Variants in CHSY3 observed in about 807,000 individuals in gnomAD.
The protein encoded by CHSY3 is chondroitin sulfate synthase 3, also known as N-acetylgalactosaminyl-proteoglycan 3-beta-glucuronosyltransferase 3.
CHSY3 carries 35 observed loss-of-function variants against 67.2 expected under a neutral mutation model. The ratio of observed to expected loss-of-function variants is 0.52; its 90% CI spans 0.40 to 0.69. CHSY3 has a LOEUF of 0.69. Ranked by LOEUF, CHSY3 falls within the 30% of genes least tolerant of loss-of-function variation. CHSY3 has a pLI of 0.00. For synonymous variants in CHSY3, 474 were observed against 434.7 expected, an observed-to-expected ratio of 1.09 and a Z score of -1.12; for missense variants, 1,069 against 1,138.5, an observed-to-expected ratio of 0.94 and a Z score of 0.88.
intron 2 of CHSY3, chr5:130,140,803 C>A: frequency 4.3e-6 from 1 of 230,460 alleles, no homozygotes; most frequent in South Asian, 9.0e-5. Flanking sequence ...ATAGAGCTGT[C>A]TGATGCCTCC....
intron 2 of CHSY3, among the ~76,000 whole-genome samples, chr5:129,927,208 C>T (rs541871817): frequency 6.6e-6 from 1 of 151,888 alleles, no homozygotes; most frequent in Admixed American, 6.6e-5. Context: ...TTCTGGTCTT[C>T]ATATTGTTCA....
intron 2 of CHSY3, among the ~76,000 whole-genome samples, chr5:130,060,139 C>T (rs1216428132): frequency 6.6e-6 from 1 of 152,110 alleles, no homozygotes; most frequent in African/African-American, 2.4e-5. Flanking sequence ...AAGGCAACAT[C>T]CCTGATAACA....
intron 2 of CHSY3, among the ~76,000 whole-genome samples, chr5:130,127,033 C>CT (rs1768315783): frequency 6.6e-6 from 1 of 152,268 alleles, no homozygotes; most frequent in Admixed American, 6.5e-5. Context: ...TTGGCATCTC[C>CT]TGGGAAAGGC....
chr5:130,148,342 T>C (rs1769134067), intron 2 of CHSY3, among the ~76,000 whole-genome samples: 1 of 152,212 alleles, frequency 6.6e-6, no homozygotes, highest in South Asian at 2.1e-4. Flanking sequence ...GCATTGTTAA[T>C]AGTGCCGCAG....
chr5:129,924,793 A>G (rs2453782), intron 2 of CHSY3, among the ~76,000 whole-genome samples: 141,186 of 152,192 alleles, frequency 0.93, 65,550 homozygotes, highest in East Asian at 1. Context: ...ATGCACTTCT[A>G]TGAGAGCAAG....
At chr5:130,002,264 G>A (rs561541535) in intron 2 of CHSY3, 1 of 155,660 alleles carries the variant, frequency 6.4e-6, no homozygotes, top group African/African-American at 2.4e-5. Flanking sequence ...AGAAGAGAAG[G>A]CATGGCTGCC....
At chr5:130,116,225 G>C (rs573551524) in intron 2 of CHSY3, among the ~76,000 whole-genome samples, 8 of 152,222 alleles carry the variant, frequency 5.3e-5, no homozygotes, top group Non-Finnish European at 7.4e-5. Flanking sequence ...TACTCCCACA[G>C]CCTTAGGCAA....
intron 2 of CHSY3, among the ~76,000 whole-genome samples, chr5:130,005,202 G>A (rs1763841047): frequency 6.6e-6 from 1 of 151,902 alleles, no homozygotes; most frequent in African/African-American, 2.4e-5. Context: ...AGATCATGAG[G>A]TCAGGAGATC....
At chr5:130,150,450 T>C (rs561012303) in intron 2 of CHSY3, among the ~76,000 whole-genome samples, 2 of 152,256 alleles carry the variant, frequency 1.3e-5, no homozygotes, top group East Asian at 3.9e-4. Flanking sequence ...TTTATTACTT[T>C]AAAATGAAAA....
rs925417345 is a variant in CHSY3 at position 129,963,940 on chromosome 5, A to G, written c.1086+55580A>G. ...TGTATGTATATCTGTATGTGTGTGC[A>G]CATGTCCTGTAATTCACTTGGGATA... On this transcript the variant is annotated intron_variant, in intron 2 of 2. Coordinates refer to ENST00000305031, the MANE Select transcript of CHSY3 (RefSeq NM_175856.5). 2.6e-5 allele frequency among the ~76,000 whole-genome samples: 4 copies of G among 151,846 alleles called. No individual in the cohort carries two copies. The East Asian group carries it at 7.8e-4, about 29-fold the overall frequency.
intron 2 of CHSY3, among the ~76,000 whole-genome samples, chr5:129,918,716 C>G (rs928038779): frequency 1.3e-5 from 2 of 151,982 alleles, no homozygotes; most frequent in Admixed American, 6.6e-5. Context: ...AGATGTGAGG[C>G]CCAAAAGCTG....
At chr5:129,990,339 A>T (rs944713694) in intron 2 of CHSY3, among the ~76,000 whole-genome samples, 1 of 150,712 alleles carries the variant, frequency 6.6e-6, no homozygotes. Flanking sequence ...AGCAGCTGGG[A>T]AGCATCAGGA....
intron 2 of CHSY3, among the ~76,000 whole-genome samples, chr5:130,053,241 A>T (rs1765420536): frequency 6.6e-6 from 1 of 152,152 alleles, no homozygotes; most frequent in African/African-American, 2.4e-5. Flanking sequence ...AAAAACTAGG[A>T]TGTAATAGAT....
At chr5:129,958,872 T>C (rs569499017) in intron 2 of CHSY3, among the ~76,000 whole-genome samples, 1 of 152,222 alleles carries the variant, frequency 6.6e-6, no homozygotes, top group African/African-American at 2.4e-5. Flanking sequence ...AGAAGCAATT[T>C]TTTTTAGAGA....
At chr5:129,993,612 G>A (rs551991177) in intron 2 of CHSY3, among the ~76,000 whole-genome samples, 60 of 151,886 alleles carry the variant, frequency 4.0e-4, no homozygotes, top group Middle Eastern at 3.2e-3. Context: ...GTCTCTGCAC[G>A]TGAGATGGGT....
rs537988641 is a variant in CHSY3, at chr5:130,110,527, C to T, written c.1087-73702C>T. On this transcript the variant is annotated intron_variant, in intron 2 of 2. Transcript: ENST00000305031. The stretch of plus-strand genomic sequence containing the variant: ...CACAGTCTAATCTTTGGCTTTCATT[C>T]TGCCCAGAGGGTTTTGTGCTGACAG... Among the ~76,000 whole-genome samples the T allele has an allele frequency of 1.3e-3, 191 of 152,070 alleles. 1 individual carries two copies. Among genetic ancestry groups the T allele is most frequent in the African/African-American group, 3.8e-3 (157 of 41,520 alleles).
At chr5:130,000,732 CTTTTTTT>C (rs71000946) in intron 2 of CHSY3, among the ~76,000 whole-genome samples, 36 of 76,450 alleles carry the variant, frequency 4.7e-4, no homozygotes, top group Middle Eastern at 0.015. Context: ...AACTTTTCTT[CTTTTTTT>C]TTTTTTTTTT....
intron 2 of CHSY3, among the ~76,000 whole-genome samples, chr5:130,068,723 C>T (rs569362932): frequency 1.3e-5 from 2 of 152,288 alleles, no homozygotes; most frequent in South Asian, 4.1e-4. Context: ...TAAAAGCTTT[C>T]ATCAATCATG....
In CHSY3 at chr5:130,040,079, A is replaced by G. The variant is rs150426092; in HGVS notation, c.1086+131719A>G. On this transcript the variant is annotated intron_variant, in intron 2 of 2. Coordinates refer to ENST00000305031, the MANE Select transcript of CHSY3 (RefSeq NM_175856.5). The stretch of plus-strand genomic sequence containing the variant: ...CTGTAAACATTTTGAACTTTCGTCT[A>G]GGGTTTGTCTCCATCGACCACAGTA... 9.5e-3 allele frequency among the ~76,000 whole-genome samples: 1,441 copies of G among 152,202 alleles called. 21 individuals carry two copies. Among genetic ancestry groups the G allele is most frequent in the African/African-American group, 0.033 (1,351 of 41,530 alleles).
Sources: allele counts gnomAD v4.1 joint callset (sites outside exome capture counted in the v4.1 genomes callset), GRCh38; gene constraint gnomAD v4.1.1; transcripts MANE v1.5; gene names NCBI Gene and HGNC (gene_info 2026-07-23, HGNC 2026-07-21).